The following SPATA6 variants were observed in gnomAD, a reference collection of about 807,000 sequenced individuals.
SPATA6 encodes spermatogenesis-associated protein 6.
In SPATA6, 56 loss-of-function variants were observed where a neutral mutation model predicts 65.3. The observed-to-expected ratio is 0.86, with a 90% CI of 0.69 to 1.07. The LOEUF (loss-of-function observed/expected upper bound fraction) is 1.07. SPATA6 is among the 50% of genes least tolerant of loss of function. The probability of loss-of-function intolerance (pLI) is 0.00; values close to 1 mark genes in which losing one functional copy is unlikely to be tolerated. For synonymous variants in SPATA6, 199 were observed against 213.2 expected (o/e 0.93, Z 0.58); for missense variants, 590 against 594.8 (o/e 0.99, Z 0.08).
chr1:48,347,796 G>A (rs1646411892), intron 11 of SPATA6, among the ~76,000 whole-genome samples: 1 of 151,672 alleles, frequency 6.6e-6, no homozygotes, highest in African/African-American at 2.4e-5. Flanking sequence ...GGCAGACCAA[G>A]AGATGCCACC....
At chr1:48,280,668 C>T in the SPATA6 span, among the ~76,000 whole-genome samples, 5 of 152,108 alleles carry the variant, frequency 3.3e-5, no homozygotes, top group Non-Finnish European at 5.9e-5. Flanking sequence ...CAGTAACAGA[C>T]TCCAAAATTG....
In SPATA6 at chr1:48,437,463, G is replaced by A. The variant is rs146072084; in HGVS notation, c.238+14089C>T. ...AATCTAGCTAGTGTCATTTATTCTGGAATTTTTTTCTAAGCTGTGACTAAC... is the reference window on the plus strand; with the variant it reads ...AATCTAGCTAGTGTCATTTATTCTGAAATTTTTTTCTAAGCTGTGACTAAC... On this transcript the variant is annotated intron_variant, in intron 3 of 12. Transcript: ENST00000371847. Among the ~76,000 whole-genome samples the A allele has an allele frequency of 5.5e-3, 843 of 152,218 alleles. 8 individuals carry two copies. Among genetic ancestry groups the A allele is most frequent in the African/African-American group, 0.019 (795 of 41,526 alleles).
intron 5 of SPATA6, among the ~76,000 whole-genome samples, chr1:48,406,506 C>T (rs1394850476): frequency 6.6e-6 from 1 of 152,158 alleles, no homozygotes; most frequent in African/African-American, 2.4e-5. Flanking sequence ...GTCAGTTCAT[C>T]TATGAAGTCT....
chr1:48,463,219 A>G (rs955606123), intron 1 of SPATA6, among the ~76,000 whole-genome samples: 9 of 152,208 alleles, frequency 5.9e-5, no homozygotes, highest in African/African-American at 2.2e-4. Flanking sequence ...TTCCCTATTA[A>G]ATAACTATAT....
intron 5 of SPATA6, among the ~76,000 whole-genome samples, chr1:48,410,661 GGGGAAGA>G (rs1276385272): frequency 1.3e-5 from 2 of 152,214 alleles, no homozygotes; most frequent in Admixed American, 1.3e-4. Context: ...CACAGTGGAA[GGGGAAGA>G]GGCAAATCAT....
chr1:48,452,216 A>T (rs1345334463), intron 2 of SPATA6, among the ~76,000 whole-genome samples: 1 of 152,140 alleles, frequency 6.6e-6, no homozygotes, highest in Non-Finnish European at 1.5e-5. Flanking sequence ...GGAGAAAAAG[A>T]AGAAAAGAAA....
chr1:48,363,658 C>T (rs1646891542), intron 9 of SPATA6, among the ~76,000 whole-genome samples: 1 of 151,172 alleles, frequency 6.6e-6, no homozygotes, highest in African/African-American at 2.4e-5. Context: ...CCCACAAATG[C>T]AATACTTTCA....
chr1:48,302,124 C>G (rs899064826), intron 12 of SPATA6, among the ~76,000 whole-genome samples: 2 of 152,122 alleles, frequency 1.3e-5, no homozygotes, highest in Non-Finnish European at 2.9e-5. Context: ...ATTCTTTGTT[C>G]AATGATTTGC....
chr1:48,444,832 AC>A (rs1655863689), intron 3 of SPATA6, among the ~76,000 whole-genome samples: 1 of 152,232 alleles, frequency 6.6e-6, no homozygotes, highest in East Asian at 1.9e-4. Context: ...CCAAGAACCC[AC>A]CAGAAGAAAC....
intron 9 of SPATA6, among the ~76,000 whole-genome samples, chr1:48,361,288 C>T (rs534576756): frequency 1.3e-4 from 20 of 152,006 alleles, no homozygotes; most frequent in Non-Finnish European, 2.2e-4. Flanking sequence ...GAAAGAAACA[C>T]GAGAATGTGT....
chr1:48,442,845 T>C (rs1655653020), intron 3 of SPATA6, among the ~76,000 whole-genome samples: 1 of 152,110 alleles, frequency 6.6e-6, no homozygotes, highest in Admixed American at 6.5e-5. Flanking sequence ...TACCACCTTG[T>C]TGTCAGTGTA....
chr1:48,372,877 GC>G (rs2148864404), intron 9 of SPATA6, among the ~76,000 whole-genome samples: 1 of 152,300 alleles, frequency 6.6e-6, no homozygotes, highest in South Asian at 2.1e-4. Flanking sequence ...TTTAGCCATG[GC>G]TTTAGTGGCT....
chr1:48,307,398 A>G (rs1291284808), intron 11 of SPATA6, among the ~76,000 whole-genome samples: 4 of 148,446 alleles, frequency 2.7e-5, no homozygotes, highest in Non-Finnish European at 6.0e-5. Flanking sequence ...ATACATTTAT[A>G]TTCATATATA....
chr1:48,426,109 A>G (rs1206047161), intron 3 of SPATA6, among the ~76,000 whole-genome samples: 1 of 152,230 alleles, frequency 6.6e-6, no homozygotes, highest in Non-Finnish European at 1.5e-5. Flanking sequence ...GAGAAAATGT[A>G]GGGAATTCCT....
chr1:48,286,190 TTTTC>T, the SPATA6 span, among the ~76,000 whole-genome samples: 2 of 151,866 alleles, frequency 1.3e-5, no homozygotes, highest in Non-Finnish European at 1.5e-5. Context: ...TAGGAATTTT[TTTTC>T]TTTTTCTGTA....
rs1646751903 is a variant in SPATA6, at chr1:48,359,637, A to G, written c.1043T>C (p.Met348Thr). 6.2e-7 allele frequency: 1 copy of G among 1,613,594 alleles called. No individual in the cohort carries two copies. Among genetic ancestry groups the G allele is most frequent in the Admixed American group, 1.7e-5 (1 of 59,956 alleles). ...CACAGGGCTTGGAGAATGCTTTGGC[A>G]TTGTTGAGGGTGCTGAATGGACTAG... ...TLLVHSAPST[M>T]PKHSPSPVLN... Residue 348 changes from methionine (M) to threonine (T), a missense_variant, in exon 10 of 13, where the codon ATG becomes ACG. Coordinates refer to ENST00000371847, the MANE Select transcript of SPATA6 (RefSeq NM_019073.4).
rs148445730 is a variant in SPATA6, at chr1:48,446,843, T to C, written c.238+4709A>G. Among the ~76,000 whole-genome samples the C allele has an allele frequency of 4.6e-3, 696 of 152,200 alleles. 4 individuals carry two copies. The highest frequency in any genetic ancestry group is 0.015 in the African/African-American group (621 of 41,524). Reference sequence around the variant, plus strand: ...CTTAAATGACAGAAATAGATTGACATAGATTAACACAATCAATGACAGCAA... The same window carrying C: ...CTTAAATGACAGAAATAGATTGACACAGATTAACACAATCAATGACAGCAA... On this transcript the variant is annotated intron_variant, in intron 3 of 12. Coordinates refer to ENST00000371847, the MANE Select transcript of SPATA6 (RefSeq NM_019073.4).
chr1:48,345,395 G>T (rs1201046998), intron 11 of SPATA6, among the ~76,000 whole-genome samples: 1 of 152,014 alleles, frequency 6.6e-6, no homozygotes, highest in Non-Finnish European at 1.5e-5. Context: ...AAGTTAGAAA[G>T]ATCTCAAATT....
intron 1 of SPATA6, among the ~76,000 whole-genome samples, chr1:48,454,012 T>G (rs976665914): frequency 9.2e-5 from 14 of 151,826 alleles, no homozygotes; most frequent in Admixed American, 9.2e-4. Context: ...ATATTCTTTT[T>G]TTTTTTTTTT....
Sources: allele counts gnomAD v4.1 joint callset (sites outside exome capture counted in the v4.1 genomes callset), GRCh38; gene constraint gnomAD v4.1.1; transcripts MANE v1.5; gene names NCBI Gene and HGNC (gene_info 2026-07-23, HGNC 2026-07-21).